ABCA12: variants seen among roughly 807,000 people sequenced by gnomAD.
The protein encoded by ABCA12 is glucosylceramide transporter ABCA12.
In ABCA12, 156 loss-of-function variants were observed where a neutral mutation model predicts 293.5. That is an observed-to-expected ratio of 0.53 (90% confidence interval 0.47 to 0.61). ABCA12 has a LOEUF of 0.61. Among genes scored for constraint, ABCA12 ranks in the 20% least tolerant of loss-of-function variants. The probability of loss-of-function intolerance (pLI) is 0.00; values close to 1 mark genes in which losing one functional copy is unlikely to be tolerated. For synonymous variants in ABCA12, 1,063 were observed against 1,108.0 expected (o/e 0.96, Z 0.81); for missense variants, 2,797 against 3,090.2 (o/e 0.91, Z 2.25).
At chr2:215,001,823 A>T in intron 20 of ABCA12, 86 bp from the exon 21 acceptor site, 1 of 1,144,164 alleles carries the variant, frequency 8.7e-7, no homozygotes, top group Non-Finnish European at 1.3e-6. Flanking sequence ...TTTTGTAAAT[A>T]CTAAACTAGA....
At chr2:214,940,949 G>A (rs374664055) in intron 50 of ABCA12, among the ~76,000 whole-genome samples, 3 of 151,914 alleles carry the variant, frequency 2.0e-5, no homozygotes, top group Admixed American at 6.6e-5. Flanking sequence ...AGGGTTTTTC[G>A]AGTCTCTATT....
chr2:215,013,986 GC>G (rs1420804615), intron 15 of ABCA12, among the ~76,000 whole-genome samples: 2 of 152,140 alleles, frequency 1.3e-5, no homozygotes, highest in Non-Finnish European at 2.9e-5. Flanking sequence ...TTCAAGACCA[GC>G]CTGGCCAACA....
At chr2:215,019,887 T>C in intron 11 of ABCA12, 91 bp from the exon 12 acceptor site, 1 of 1,496,420 alleles carries the variant, frequency 6.7e-7, no homozygotes, top group Non-Finnish European at 9.1e-7. Flanking sequence ...ATTGATTTCC[T>C]TTAAGAAAAA....
intron 1 of ABCA12, among the ~76,000 whole-genome samples, chr2:215,114,235 A>C (rs1193229216): frequency 6.6e-6 from 1 of 152,228 alleles, no homozygotes; most frequent in African/African-American, 2.4e-5. Context: ...GGCCTCCCAA[A>C]GTGCTGAGAT....
chr2:214,980,531 G>T lies in ABCA12; in HGVS notation c.4692C>A (p.Leu1564=), dbSNP rs150585819. ...GATACCCATCGCCAAAGGCTTCCTT[G>T]AGGTAAAATGGGGACCCACAGCACC... ...GLRCCGSPFY[L]KEAFGDGYHL... is the part of the protein sequence containing the mutation. The change falls in exon 31 of 53, where the codon CTC becomes CTA. Residue 1564 remains leucine, a synonymous_variant. Transcript: ENST00000272895. 1.2e-6 allele frequency: 2 copies of T among 1,613,966 alleles called. No homozygotes were observed. The highest frequency in any genetic ancestry group is 1.7e-6 in the Non-Finnish European group (2 of 1,179,990).
At chr2:214,958,972 A>G (rs894875855) in intron 40 of ABCA12, 52 bp downstream of exon 40, 1 of 1,537,080 alleles carries the variant, frequency 6.5e-7, no homozygotes, top group Non-Finnish European at 9.0e-7. Flanking sequence ...ACTTTATACA[A>G]AGGCTCAGCT....
At chr2:215,084,982 TAC>T (rs1702010419) in intron 2 of ABCA12, among the ~76,000 whole-genome samples, 1 of 150,196 alleles carries the variant, frequency 6.7e-6, no homozygotes, top group African/African-American at 2.5e-5. Context: ...TAGTCCTAGC[TAC>T]TTGGGAGGCT....
At chr2:214,954,742 G>C (rs1698890298) in intron 43 of ABCA12, among the ~76,000 whole-genome samples, 1 of 152,156 alleles carries the variant, frequency 6.6e-6, no homozygotes, top group African/African-American at 2.4e-5. Context: ...TGTCAGCTCT[G>C]AATGGAAAGT....
chr2:215,102,618 C>G (rs183192384), intron 2 of ABCA12, among the ~76,000 whole-genome samples: 257 of 152,136 alleles, frequency 1.7e-3, no homozygotes, highest in Middle Eastern at 3.4e-3. Flanking sequence ...AAAATAAACT[C>G]TAATACTTTT....
At position 215,015,511 on chromosome 2, in the gene ABCA12, G is replaced by C. The variant is rs1429877880; in HGVS notation, c.1935C>G (p.Asn645Lys). 8.7e-6 allele frequency: 14 copies of C among 1,613,986 alleles called. No individual in the cohort carries two copies. The highest frequency in any genetic ancestry group is 6.7e-5 in the African/African-American group (5 of 74,914). Residue 645 changes from asparagine (N) to lysine (K), a missense_variant, in exon 15 of 53, where the codon AAC becomes AAG. Around this residue, in one of 3 missense-constraint regions of ABCA12, gnomAD observed 2,130 missense variants for 2,427.0 expected, o/e 0.88. Transcript: ENST00000272895. ...TTGCCTTGTATGTGAAGTTGTAAAT[G>C]TTTAAGTAGTGCAGAAGGGTGAGTC... ...LIGLTLLHYL[N>K]IYNFTYKVFF...
chr2:215,025,595 T>C (rs1441702754), intron 11 of ABCA12, 78 bp downstream of exon 11: 1 of 841,350 alleles, frequency 1.2e-6, no homozygotes, highest in African/African-American at 4.6e-5. Flanking sequence ...ATGAGAAGTG[T>C]TAAGGTTTTT....
At chr2:215,088,961 C>T (rs898479741) in intron 2 of ABCA12, among the ~76,000 whole-genome samples, 5 of 152,126 alleles carry the variant, frequency 3.3e-5, no homozygotes, top group African/African-American at 1.2e-4. Context: ...ATATGTCCAT[C>T]CATCCACCCC....
intron 2 of ABCA12, among the ~76,000 whole-genome samples, chr2:215,083,582 TAA>T (rs1701984522): frequency 6.6e-6 from 1 of 152,170 alleles, no homozygotes; most frequent in Non-Finnish European, 1.5e-5. Context: ...TTAACCACAC[TAA>T]GTTTCTTTTG....
chr2:215,101,704 A>C (rs1161142203), intron 2 of ABCA12, among the ~76,000 whole-genome samples: 1 of 152,204 alleles, frequency 6.6e-6, no homozygotes, highest in Non-Finnish European at 1.5e-5. Context: ...TTCATAGTAC[A>C]AAGAGTAATT....
intron 2 of ABCA12, among the ~76,000 whole-genome samples, chr2:215,092,793 C>CA: frequency 6.6e-6 from 1 of 152,270 alleles, no homozygotes; most frequent in South Asian, 2.1e-4. Flanking sequence ...CTCCTATCCT[C>CA]AGTACCTCCC....
intron 3 of ABCA12, among the ~76,000 whole-genome samples, chr2:215,062,487 C>A (rs1173057576): frequency 6.6e-6 from 1 of 152,002 alleles, no homozygotes; most frequent in Admixed American, 6.6e-5. Flanking sequence ...ATGGCTTCTC[C>A]TTACACTAAA....
At chr2:214,966,461 GAAAA>G (rs950008929) in intron 39 of ABCA12, among the ~76,000 whole-genome samples, 1 of 152,020 alleles carries the variant, frequency 6.6e-6, no homozygotes, top group African/African-American at 2.4e-5. Flanking sequence ...AAAAAAGAAA[GAAAA>G]GTTTTGTCAT....
chr2:214,989,651 T>C, intron 24 of ABCA12, 30 bp from the exon 25 acceptor site: 1 of 1,611,334 alleles, frequency 6.2e-7, no homozygotes, highest in South Asian at 1.1e-5. Context: ...CAATGATAGT[T>C]CTTGTAGATT....
intron 38 of ABCA12, among the ~76,000 whole-genome samples, chr2:214,967,535 CA>C (rs1699291865): frequency 1.3e-5 from 2 of 151,962 alleles, no homozygotes; most frequent in South Asian, 4.2e-4. Context: ...ATTACTAATT[CA>C]AAATAGCAAA....
Sources: gnomAD v4.1 joint callset for allele counts (sites outside exome capture counted in the v4.1 genomes callset) on GRCh38, gnomAD v4.1.1 for gene constraint, gnomAD v4.1.1 regional missense constraint, MANE v1.5 for transcripts, NCBI Gene and HGNC (gene_info 2026-07-23, HGNC 2026-07-21) for gene names.